YAP1: variants seen among roughly 807,000 people sequenced by gnomAD.
YAP1 encodes the protein Yes1 associated transcriptional regulator, also known as transcriptional coactivator YAP1.
YAP1 carries 5 observed loss-of-function variants against 56.9 expected under a neutral mutation model. The observed-to-expected ratio is 0.09, with a 90% CI of 0.05 to 0.18. YAP1 has a LOEUF of 0.18. Among genes scored for constraint, YAP1 ranks in the 10% least tolerant of loss-of-function variants. The probability of loss-of-function intolerance (pLI) is 1.00; values close to 1 mark genes in which losing one functional copy is unlikely to be tolerated. For missense variants in YAP1, 539 were observed against 651.8 expected, an observed-to-expected ratio of 0.83 and a Z score of 1.88; for synonymous variants, 265 against 248.1, an observed-to-expected ratio of 1.07 and a Z score of -0.64.
At chr11:102,114,044 A>G in intron 1 of YAP1, 100 bp from the exon 2 acceptor site, 1 of 1,295,804 alleles carries the variant, frequency 7.7e-7, no homozygotes, top group Non-Finnish European at 1.0e-6. Context: ...TTCCTTTGGT[A>G]CTTAGATATT....
intron 4 of YAP1, among the ~76,000 whole-genome samples, chr11:102,201,641 T>C (rs533905249): frequency 6.6e-6 from 1 of 152,220 alleles, no homozygotes; most frequent in African/African-American, 2.4e-5. Flanking sequence ...TTTTAGATGA[T>C]TGCGTATGTA....
At chr11:102,148,472 T>G (rs984757585) in intron 2 of YAP1, among the ~76,000 whole-genome samples, 1 of 152,188 alleles carries the variant, frequency 6.6e-6, no homozygotes, top group Non-Finnish European at 1.5e-5. Context: ...GGTGGTTCAC[T>G]CAGTTCAATA....
intron 6 of YAP1, among the ~76,000 whole-genome samples, chr11:102,209,768 A>G (rs1949303624): frequency 6.6e-6 from 1 of 152,072 alleles, no homozygotes; most frequent in South Asian, 2.1e-4. Flanking sequence ...TGCTCCTCCT[A>G]GGGAGTTTCT....
At position 102,173,230 on chromosome 11, in the gene YAP1, C is replaced by T. The variant is rs533084257; in HGVS notation, c.688+10659C>T. 5.9e-5 allele frequency among the ~76,000 whole-genome samples: 9 copies of T among 152,134 alleles called. No homozygotes were observed. The South Asian group carries it at 1.0e-3, about 18-fold the overall frequency. On this transcript the variant is annotated intron_variant, in intron 3 of 8. Coordinates refer to ENST00000282441, the MANE Select transcript of YAP1 (RefSeq NM_001130145.3). ...ATGGGCAATTACTAAGCCCTGGAACCTCTAATACCATATTGCTAGTGGTAA... is the reference window on the plus strand; with the variant it reads ...ATGGGCAATTACTAAGCCCTGGAACTTCTAATACCATATTGCTAGTGGTAA...
chr11:102,213,471 G>C (rs931052529), intron 6 of YAP1, among the ~76,000 whole-genome samples: 54 of 152,068 alleles, frequency 3.6e-4, no homozygotes, highest in African/African-American at 1.3e-3. Context: ...GGCGAAAAGA[G>C]CAAAACTCCG....
intron 2 of YAP1, among the ~76,000 whole-genome samples, chr11:102,124,045 G>C (rs950714379): frequency 6.6e-6 from 1 of 151,276 alleles, no homozygotes. Context: ...TCTGGCTCCC[G>C]GGTTCAAGCG....
intron 2 of YAP1, among the ~76,000 whole-genome samples, chr11:102,146,511 A>G (rs1945330291): frequency 1.3e-5 from 2 of 152,162 alleles, no homozygotes; most frequent in African/African-American, 4.8e-5. Flanking sequence ...CACACCCCTC[A>G]TTTTTACTTT....
At chr11:102,228,645 A>G (rs1472835964) in intron 8 of YAP1, among the ~76,000 whole-genome samples, 2 of 146,898 alleles carry the variant, frequency 1.4e-5, no homozygotes, top group Non-Finnish European at 3.0e-5. Context: ...AAAAAAAAAA[A>G]AAAAAAAAAA....
intron 1 of YAP1, chr11:102,112,746 G>A: frequency 1.0e-6 from 1 of 985,320 alleles, no homozygotes; most frequent in Non-Finnish European, 1.2e-6. Context: ...TTTGTCTTAG[G>A]TATGCTTTTT....
At chr11:102,136,441 A>G (rs945755366) in intron 2 of YAP1, among the ~76,000 whole-genome samples, 1 of 151,788 alleles carries the variant, frequency 6.6e-6, no homozygotes, top group African/African-American at 2.4e-5. Context: ...CCCAGGCCCA[A>G]GTGATCCTCT....
At chr11:102,162,302 T>G (rs1946338239) in intron 2 of YAP1, among the ~76,000 whole-genome samples, 154 bp from the exon 3 acceptor site, 1 of 152,214 alleles carries the variant, frequency 6.6e-6, no homozygotes, top group South Asian at 2.1e-4. Context: ...GAAAAATGTC[T>G]GTTGCAGAGG....
At position 102,148,651 on chromosome 11, in the gene YAP1, ATAT is replaced by A. The variant is rs1207200283; in HGVS notation, c.573-13800_573-13798del. ...AGTATTTATTCAATATATTTTTAAG[ATAT>A]TATTTCTCTTACTGTTCTCTGGACA... On this transcript the variant is annotated intron_variant, in intron 2 of 8. Transcript: ENST00000282441. Among the ~76,000 whole-genome samples, 12 of 152,250 alleles carry A rather than the reference ATAT, an allele frequency of 7.9e-5. No individual in the cohort carries two copies. The East Asian group carries it at 1.5e-3, about 20-fold the overall frequency.
chr11:102,157,829 C>T (rs1946042903), intron 2 of YAP1, among the ~76,000 whole-genome samples: 1 of 152,178 alleles, frequency 6.6e-6, no homozygotes, highest in Non-Finnish European at 1.5e-5. Context: ...TCACTATCAT[C>T]AAAAGTGCAT....
At chr11:102,227,641 G>T in intron 8 of YAP1, 60 bp downstream of exon 8, 1 of 1,114,580 alleles carries the variant, frequency 9.0e-7, no homozygotes, top group Non-Finnish European at 1.4e-6. Context: ...TTATCACCAG[G>T]TCTCATAAGG....
At chr11:102,207,930 A>G (rs779577931) in intron 5 of YAP1, among the ~76,000 whole-genome samples, 6 of 152,218 alleles carry the variant, frequency 3.9e-5, no homozygotes, top group Non-Finnish European at 7.3e-5. Context: ...CTCAAGTTCT[A>G]TGCCAAAGCA....
intron 4 of YAP1, among the ~76,000 whole-genome samples, chr11:102,194,054 C>G (rs1948445444): frequency 6.6e-6 from 1 of 152,182 alleles, no homozygotes; most frequent in Non-Finnish European, 1.5e-5. Context: ...ATCCGCCCAC[C>G]TCGGCCTCCC....
At chr11:102,156,988 A>G (rs972772883) in intron 2 of YAP1, among the ~76,000 whole-genome samples, 1 of 152,206 alleles carries the variant, frequency 6.6e-6, no homozygotes, top group Non-Finnish European at 1.5e-5. Context: ...ACCTAAAGCT[A>G]TAGGGTCAGA....
intron 3 of YAP1, among the ~76,000 whole-genome samples, chr11:102,178,628 A>G (rs1265858950): frequency 6.6e-6 from 1 of 152,176 alleles, no homozygotes; most frequent in East Asian, 1.9e-4. Flanking sequence ...CTAGTAGTAA[A>G]TCTTACATAA....
intron 2 of YAP1, among the ~76,000 whole-genome samples, chr11:102,134,527 AT>A (rs1308570060): frequency 1.3e-5 from 2 of 148,174 alleles, no homozygotes; most frequent in Non-Finnish European, 3.0e-5. Context: ...ATATATATAT[AT>A]TTAAGAATGC....
Sources: gnomAD v4.1 joint callset for allele counts (sites outside exome capture counted in the v4.1 genomes callset) on GRCh38, gnomAD v4.1.1 for gene constraint, MANE v1.5 for transcripts, NCBI Gene and HGNC (gene_info 2026-07-23, HGNC 2026-07-21) for gene names.